PRDM1: variants seen among roughly 807,000 people sequenced by gnomAD.
The protein encoded by PRDM1 is PR/SET domain 1, also known as PR domain zinc finger protein 1.
PRDM1 carries 13 observed loss-of-function variants against 62.8 expected under a neutral mutation model. The ratio of observed to expected loss-of-function variants is 0.21; its 90% CI spans 0.13 to 0.33. The LOEUF (loss-of-function observed/expected upper bound fraction) is 0.33, where lower values mean the gene tolerates loss of function less well. Among genes scored for constraint, PRDM1 ranks in the 10% least tolerant of loss-of-function variants. PRDM1 has a pLI of 1.00. For missense variants in PRDM1, 895 were observed against 1,058.8 expected, an observed-to-expected ratio of 0.85 and a Z score of 2.15; for synonymous variants, 396 against 417.6, an observed-to-expected ratio of 0.95 and a Z score of 0.63.
chr6:106,093,145 C>T (rs1260551805), intron 2 of PRDM1, among the ~76,000 whole-genome samples: 1 of 152,144 alleles, frequency 6.6e-6, no homozygotes, highest in East Asian at 1.9e-4. Flanking sequence ...GAGCTACTTC[C>T]GGTGCTGCTT....
intron 1 of PRDM1, among the ~76,000 whole-genome samples, chr6:106,031,736 G>A (rs1703970002): frequency 6.6e-6 from 1 of 152,202 alleles, no homozygotes; most frequent in Admixed American, 6.5e-5. Flanking sequence ...TTTCTGCAGT[G>A]TGTGGGAAGA....
chr6:106,005,589 T>C (rs1288830784), intron 1 of PRDM1, among the ~76,000 whole-genome samples: 1 of 152,224 alleles, frequency 6.6e-6, no homozygotes, highest in East Asian at 1.9e-4. Context: ...TTCGAAACTT[T>C]GGGTTTATAA....
chr6:106,051,880 CA>C (rs1185007570), intron 1 of PRDM1, among the ~76,000 whole-genome samples: 4 of 152,088 alleles, frequency 2.6e-5, no homozygotes, highest in Non-Finnish European at 5.9e-5. Flanking sequence ...ATTGGAGAAT[CA>C]GAATTTACAC....
At position 106,108,517 on chromosome 6, in the gene PRDM1, G is replaced by A. The variant is rs971317895; in HGVS notation, c.*1031G>A. 1.5e-5 allele frequency: 2 copies of A among 130,082 alleles called. No individual in the cohort carries two copies. The highest frequency in any genetic ancestry group is 2.7e-5 in the Non-Finnish European group (2 of 73,084). 8.1% of individuals were successfully genotyped at this position (130,082 alleles called of 1,614,324 possible). On this transcript the variant is annotated 3_prime_UTR_variant, in exon 7 of 7. Transcript: ENST00000369096. ...GGGTGGTGTTTTGTTGTTGGTTTTTGTTGCTTTTTTTTTTTTTTTTTTTTT... is the reference window on the plus strand; with the variant it reads ...GGGTGGTGTTTTGTTGTTGGTTTTTATTGCTTTTTTTTTTTTTTTTTTTTT...
At chr6:106,088,813 T>C (rs1160329192) in intron 2 of PRDM1, among the ~76,000 whole-genome samples, 2 of 152,200 alleles carry the variant, frequency 1.3e-5, no homozygotes, top group African/African-American at 4.8e-5. Flanking sequence ...AGAAAACTTT[T>C]TCTTGGAAAA....
intron 1 of PRDM1, among the ~76,000 whole-genome samples, chr6:106,033,626 A>G (rs965297818): frequency 5.3e-5 from 8 of 152,024 alleles, no homozygotes; most frequent in Non-Finnish European, 1.0e-4. Flanking sequence ...TAATCTTTGT[A>G]ATATGCTGTT....
At position 106,108,547 on chromosome 6, in the gene PRDM1, T is replaced by G. The variant is rs1774584949; in HGVS notation, c.*1061T>G. ...TTTTTTTTTTTTTTTTTTTTTAATG[T>G]CAAAATTGCACAAACATGGTGCTCT... On this transcript the variant is annotated 3_prime_UTR_variant, in exon 7 of 7. Transcript: ENST00000369096. 2 of 210,414 alleles carry G rather than the reference T, an allele frequency of 9.5e-6. No individual in the cohort carries two copies. Among genetic ancestry groups the G allele is most frequent in the East Asian group, 6.6e-5 (1 of 15,190 alleles). 13.0% of individuals were successfully genotyped at this position (210,414 alleles called of 1,614,324 possible). A position where few individuals can be genotyped will look rare whatever the true frequency, so the allele number is the denominator to read the frequency against.
At chr6:106,055,139 A>G (rs1773242160) in intron 1 of PRDM1, among the ~76,000 whole-genome samples, 1 of 152,246 alleles carries the variant, frequency 6.6e-6, no homozygotes, top group African/African-American at 2.4e-5. Context: ...AATTCTCACG[A>G]AGCATGACTA....
intron 3 of PRDM1, among the ~76,000 whole-genome samples, chr6:106,096,856 T>G (rs1329727326): frequency 6.6e-6 from 1 of 152,122 alleles, no homozygotes; most frequent in Non-Finnish European, 1.5e-5. Context: ...TTAGTAAGCG[T>G]TTTTTTGTGC....
chr6:106,094,913 ACACACACACAC>A, intron 2 of PRDM1, among the ~76,000 whole-genome samples: 1 of 128,420 alleles, frequency 7.8e-6, no homozygotes, highest in Non-Finnish European at 1.9e-5. Context: ...TAAAACACAC[ACACACACACAC>A]ACACACACGA....
chr6:106,038,041 G>T, intron 1 of PRDM1, among the ~76,000 whole-genome samples: 1 of 7,302 alleles, frequency 1.4e-4, no homozygotes, highest in African/African-American at 4.2e-4. Context: ...TTTTGAGACA[G>T]AGTCTCACTC....
chr6:106,078,693 G>A (rs958030552), intron 1 of PRDM1, among the ~76,000 whole-genome samples: 3 of 152,036 alleles, frequency 2.0e-5, no homozygotes, highest in African/African-American at 7.2e-5. Flanking sequence ...GCAACATGGC[G>A]AAACCCTGTC....
In PRDM1 at chr6:106,108,016, T is replaced by G. The variant is rs1289156747; in HGVS notation, c.*530T>G. 4.3e-6 allele frequency: 1 copy of G among 232,942 alleles called. No individual in the cohort carries two copies. Among genetic ancestry groups the G allele is most frequent in the Non-Finnish European group, 8.5e-6 (1 of 117,668 alleles). The allele number at this position is 232,942 out of a possible 1,614,324, so 14.4% of individuals were successfully genotyped here. On this transcript the variant is annotated 3_prime_UTR_variant, in exon 7 of 7. Transcript: ENST00000369096. ...TACCTAAGATTTAGTTAAACAAATA[T>G]ATGACTTCAGTCAACCTCTCTCTCT...
chr6:106,066,592 T>C (rs182414707), intron 1 of PRDM1, among the ~76,000 whole-genome samples: 65 of 152,314 alleles, frequency 4.3e-4, no homozygotes, highest in Middle Eastern at 3.4e-3. Context: ...AGAAAGGGCA[T>C]TCTTCTGTTC....
intron 1 of PRDM1, among the ~76,000 whole-genome samples, chr6:106,051,876 G>A (rs1383025971): frequency 6.6e-6 from 1 of 152,122 alleles, no homozygotes; most frequent in Non-Finnish European, 1.5e-5. Flanking sequence ...GTAAATTGGA[G>A]AATCAGAATT....
intron 1 of PRDM1, among the ~76,000 whole-genome samples, chr6:106,011,508 C>T (rs1027951938): frequency 1.3e-5 from 2 of 152,080 alleles, no homozygotes; most frequent in East Asian, 3.9e-4. Context: ...AGAGTATGTG[C>T]GAGGGGAGCA....
intron 1 of PRDM1, among the ~76,000 whole-genome samples, chr6:106,009,623 G>A (rs925594002): frequency 5.3e-5 from 8 of 152,186 alleles, no homozygotes; most frequent in Non-Finnish European, 1.2e-4. Flanking sequence ...AATTAGGGGT[G>A]CATGTATGAG....
chr6:106,098,158 T>C, intron 3 of PRDM1: 1 of 983,856 alleles, frequency 1.0e-6, no homozygotes, highest in Non-Finnish European at 1.2e-6. Flanking sequence ...ACAAAATTCC[T>C]GCTACGAACA....
chr6:106,088,109 T>G (rs1220102895), intron 1 of PRDM1, 92 bp from the exon 2 acceptor site: 2 of 1,447,794 alleles, frequency 1.4e-6, no homozygotes, highest in Admixed American at 2.5e-5. Flanking sequence ...GCTTTTAAAG[T>G]CTTCAGACTA....
Sources: allele counts gnomAD v4.1 joint callset (sites outside exome capture counted in the v4.1 genomes callset), GRCh38; gene constraint gnomAD v4.1.1; transcripts MANE v1.5; gene names NCBI Gene and HGNC (gene_info 2026-07-23, HGNC 2026-07-21).